ZNF423: variants seen among roughly 807,000 people sequenced by gnomAD.
ZNF423 encodes Ebf-associated zinc finger protein.
Under a neutral mutation model 95.8 loss-of-function variants are expected in ZNF423, and 12 were observed. The observed-to-expected ratio is 0.13, with a 90% confidence interval of 0.08 to 0.20. ZNF423 has a LOEUF of 0.20. ZNF423 is among the 10% of genes least tolerant of loss of function. ZNF423 has a pLI of 1.00. For missense variants in ZNF423, 1,316 were observed against 1,737.1 expected (o/e 0.76, Z 4.31); for synonymous variants, 749 against 711.9 (o/e 1.05, Z -0.83).
At chr16:49,498,765 G>C in intron 7 of ZNF423, among the ~76,000 whole-genome samples, 1 of 152,052 alleles carries the variant, frequency 6.6e-6, no homozygotes, top group South Asian at 2.1e-4. Context: ...TGTATCACCT[G>C]GGCAGCCCCT....
chr16:49,660,852 C>T (rs1240550556), intron 3 of ZNF423, among the ~76,000 whole-genome samples: 4 of 151,914 alleles, frequency 2.6e-5, no homozygotes, highest in African/African-American at 7.3e-5. Flanking sequence ...GGGGGGGGAG[C>T]TTACTTATTC....
At chr16:49,688,494 T>C (rs1834579681) in intron 3 of ZNF423, among the ~76,000 whole-genome samples, 1 of 152,156 alleles carries the variant, frequency 6.6e-6, no homozygotes. Context: ...TTCAGGAAGA[T>C]GTCTTGCTGG....
intron 3 of ZNF423, among the ~76,000 whole-genome samples, chr16:49,705,742 T>C (rs1382813536): frequency 1.3e-5 from 2 of 152,062 alleles, no homozygotes; most frequent in Non-Finnish European, 2.9e-5. Context: ...GAGATGGGGT[T>C]TCGCCATGTT....
At chr16:49,822,518 T>C in intron 1 of ZNF423, 1 of 536,938 alleles carries the variant, frequency 1.9e-6, no homozygotes, top group Non-Finnish European at 3.2e-6. Flanking sequence ...GTCAAGATGA[T>C]GTTGCTCCTT....
Position 49,525,475 on chromosome 16 carries a change from C to T in ZNF423, c.3621G>A (p.Glu1207=), listed in dbSNP as rs1331148614. 6.2e-7 allele frequency: 1 copy of T among 1,614,060 alleles called. No individual in the cohort carries two copies. Among genetic ancestry groups the T allele is most frequent in the Non-Finnish European group, 8.5e-7 (1 of 1,179,974 alleles). Residue 1207 remains glutamate, a synonymous_variant, in exon 6 of 8, where the codon GAG becomes GAA. Transcript: ENST00000563137. ...NHMIEEGINH[E]CKLCNQMFDS... ...CGAACATCTGGTTGCACAGCTTACA[C>T]TCGTGGTTGATGCCTTCCTCTGCAA...
rs1004147149 is a variant in ZNF423, at chr16:49,846,194, C to A, written c.40+9541G>T. Among the ~76,000 whole-genome samples the A allele has an allele frequency of 5.4e-5, 8 of 149,368 alleles. No homozygotes were observed. The East Asian group carries it at 1.2e-3, about 23-fold the overall frequency. Reference sequence around the variant, plus strand: ...GCACATGCCTGTAATCCCAGCTACTCGGGAGGCTGAGGCAGGAATTGCTTG... The same window carrying A: ...GCACATGCCTGTAATCCCAGCTACTAGGGAGGCTGAGGCAGGAATTGCTTG... On this transcript the variant is annotated intron_variant, in intron 1 of 7. Coordinates refer to ENST00000563137, the MANE Select transcript of ZNF423 (RefSeq NM_001379286.1).
At chr16:49,712,250 T>C (rs2032566295) in intron 3 of ZNF423, among the ~76,000 whole-genome samples, 1 of 152,172 alleles carries the variant, frequency 6.6e-6, no homozygotes, top group Non-Finnish European at 1.5e-5. Context: ...GCTGATAACA[T>C]AGGGGCCTGC....
intron 5 of ZNF423, among the ~76,000 whole-genome samples, chr16:49,602,734 A>C (rs960327853): frequency 3.3e-5 from 5 of 152,040 alleles, no homozygotes; most frequent in African/African-American, 4.8e-5. Context: ...GTCAGAGAAA[A>C]CCGGCTCTTG....
At chr16:49,599,729 T>C (rs892584206) in intron 5 of ZNF423, among the ~76,000 whole-genome samples, 3 of 151,966 alleles carry the variant, frequency 2.0e-5, no homozygotes, top group Non-Finnish European at 2.9e-5. Flanking sequence ...ACCAACTAAA[T>C]GTAGAGCCAA....
At chr16:49,691,503 C>G (rs948916849) in intron 3 of ZNF423, among the ~76,000 whole-genome samples, 1 of 152,160 alleles carries the variant, frequency 6.6e-6, no homozygotes, top group Non-Finnish European at 1.5e-5. Flanking sequence ...GAGGCCTAGG[C>G]GGGCGGATCA....
At chr16:49,670,198 C>T (rs890225123) in intron 3 of ZNF423, among the ~76,000 whole-genome samples, 1 of 152,214 alleles carries the variant, frequency 6.6e-6, no homozygotes, top group Non-Finnish European at 1.5e-5. Flanking sequence ...GGAAAGCAGA[C>T]AACATGGGTC....
intron 2 of ZNF423, among the ~76,000 whole-genome samples, chr16:49,734,289 T>A (rs2033235375): frequency 6.6e-6 from 1 of 152,142 alleles, no homozygotes; most frequent in East Asian, 1.9e-4. Context: ...CCTCAACTGG[T>A]CCCTGTCCTG....
chr16:49,738,614 G>C (rs1474561480), intron 2 of ZNF423, among the ~76,000 whole-genome samples: 1 of 152,150 alleles, frequency 6.6e-6, no homozygotes, highest in Non-Finnish European at 1.5e-5. Context: ...AGGGGATAGG[G>C]GAGGCCAGAG....
chr16:49,515,891 G>A (rs558238685), intron 7 of ZNF423, among the ~76,000 whole-genome samples: 1 of 152,306 alleles, frequency 6.6e-6, no homozygotes, highest in African/African-American at 2.4e-5. Context: ...GGTGGGCAGA[G>A]GCGACCCCTC....
intron 1 of ZNF423, among the ~76,000 whole-genome samples, chr16:49,835,566 G>C (rs535434952): frequency 6.6e-6 from 1 of 152,312 alleles, no homozygotes; most frequent in South Asian, 2.1e-4. Flanking sequence ...GGGGAGATGC[G>C]GGCCAGTGGG....
At chr16:49,503,899 G>A (rs983176556) in intron 7 of ZNF423, among the ~76,000 whole-genome samples, 2 of 152,174 alleles carry the variant, frequency 1.3e-5, no homozygotes, top group Non-Finnish European at 2.9e-5. Context: ...CAGTTGCCCC[G>A]CTCCACTGTC....
At position 49,637,332 on chromosome 16, in the gene ZNF423, G is replaced by A. The variant is rs754474774; in HGVS notation, c.1844C>T (p.Ser615Leu). The change falls in exon 4 of 8, where the codon TCG (serine) becomes TTG (leucine). Residue 615 changes from serine to leucine, a missense_variant. Around this residue, in one of 6 missense-constraint regions of ZNF423, gnomAD observed 620 missense variants for 775.6 expected, o/e 0.80. Transcript: ENST00000563137. This position sits in a 1 kb window ranked among gnomAD's most constrained non-coding sequence, Gnocchi z 5.6. ...KKSKAEQSPV[S>L]SDVEVSSPKR... ...CGGGGAAGACACCTCCACATCGGAC[G>A]AGACTGGGCTCTGCTCGGCCTTGGA... The A allele has an allele frequency of 5.6e-6, 9 of 1,614,218 alleles. No individual in the cohort carries two copies. Among genetic ancestry groups the A allele is most frequent in the Middle Eastern group, 1.6e-4 (1 of 6,062 alleles).
intron 7 of ZNF423, 66 bp from the exon 8 acceptor site, chr16:49,491,370 C>T: frequency 6.3e-7 from 1 of 1,595,926 alleles, no homozygotes. Flanking sequence ...GTCCCTCCCA[C>T]TCAGTGCATT....
chr16:49,651,313 A>G (rs1183676455), intron 3 of ZNF423, among the ~76,000 whole-genome samples: 1 of 151,884 alleles, frequency 6.6e-6, no homozygotes, highest in Non-Finnish European at 1.5e-5. Flanking sequence ...GTCATAAGCC[A>G]CCACGCCTGG....
Sources: gnomAD v4.1 joint callset for allele counts (sites outside exome capture counted in the v4.1 genomes callset) on GRCh38, gnomAD v4.1.1 for gene constraint, gnomAD v4.1.1 regional missense constraint, Gnocchi (gnomAD v3.1) non-coding constraint, MANE v1.5 for transcripts, NCBI Gene and HGNC (gene_info 2026-07-23, HGNC 2026-07-21) for gene names.